The following SAR1B variants were observed in gnomAD, a reference collection of about 807,000 sequenced individuals.
SAR1B encodes secretion associated Ras related GTPase 1B, also known as small COPII coat GTPase SAR1B.
In SAR1B, 23 loss-of-function variants were observed where a neutral mutation model predicts 26.8. The ratio of observed to expected loss-of-function variants is 0.86; its 90% CI spans 0.62 to 1.22. The LOEUF is 1.22. Ranked by LOEUF, SAR1B falls within the 50% of genes most tolerant of loss-of-function variation. The probability of loss-of-function intolerance (pLI) is 0.00; values close to 1 mark genes in which losing one functional copy is unlikely to be tolerated. For missense variants in SAR1B, 196 were observed against 232.8 expected, an observed-to-expected ratio of 0.84 and a Z score of 1.03; for synonymous variants, 65 against 80.8, an observed-to-expected ratio of 0.80 and a Z score of 1.05.
intron 1 of SAR1B, chr5:134,631,842 T>A (rs1015954304): frequency 3.9e-5 from 6 of 152,252 alleles, no homozygotes; most frequent in Admixed American, 3.9e-4. Context: ...GGCGAGCAGA[T>A]CACCTGAGGT....
chr5:134,629,700 AAAACAAACAAAC>A (rs1159853423), intron 1 of SAR1B, among the ~76,000 whole-genome samples: 2 of 151,170 alleles, frequency 1.3e-5, no homozygotes, highest in African/African-American at 2.4e-5. Flanking sequence ...CCATCTCAAA[AAAACAAACAAAC>A]AAACAAACAA....
At chr5:134,608,614 C>T (rs987958365) in intron 5 of SAR1B, 111 bp from the exon 6 acceptor site, 1 of 1,196,214 alleles carries the variant, frequency 8.4e-7, no homozygotes, top group Non-Finnish European at 1.2e-6. Flanking sequence ...TCATGTCATA[C>T]CAACGTTCTT....
At chr5:134,631,382 T>C (rs1292574664) in intron 1 of SAR1B, among the ~76,000 whole-genome samples, 2 of 152,204 alleles carry the variant, frequency 1.3e-5, no homozygotes, top group Non-Finnish European at 2.9e-5. Context: ...AAAGGTATAA[T>C]AGTAGATAAT....
chr5:134,607,035 C>A lies in SAR1B; in HGVS notation c.512G>T (p.Arg171Leu). The A allele has an allele frequency of 6.2e-7, 1 of 1,613,800 alleles. No individual in the cohort carries two copies. The highest frequency in any genetic ancestry group is 1.1e-5 in the South Asian group (1 of 91,046). Residue 171 changes from arginine (R) to leucine (L), a missense_variant, in exon 7 of 7, where the codon CGA (arginine) becomes CTA (leucine). By Grantham distance (102) the Arg-to-Leu change is moderately radical. Transcript: ENST00000402673. ...GSISLKELNA[R>L]PLEVFMCSVL... ...ACTACACATGAAAACTTCTAAGGGT[C>A]GGGCATTCAGTTCTTTCAGAGATAT... is the stretch of plus-strand genomic sequence containing the variant.
intron 1 of SAR1B, among the ~76,000 whole-genome samples, chr5:134,632,475 T>A (rs1765625710): frequency 6.6e-6 from 1 of 152,150 alleles, no homozygotes; most frequent in Non-Finnish European, 1.5e-5. Context: ...TGCAGCCACC[T>A]CGTTCTTTCC....
Position 134,612,743 on chromosome 5 carries a change from C to T in SAR1B, c.192G>A (p.Leu64=), listed in dbSNP as rs1164870676. ...VPTLHPTSEE[L]TIAGMTFTTF... ...TTGTAAACGTCATGCCAGCAATGGT[C>T]AGTTCTTCGGAAGCTAAATAAGATT... is the stretch of plus-strand genomic sequence containing the variant. Residue 64 remains leucine (L), a synonymous_variant, in exon 4 of 7, where the codon CTG becomes CTA. Coordinates refer to ENST00000402673, the MANE Select transcript of SAR1B (RefSeq NM_016103.4). 1.3e-6 allele frequency: 2 copies of T among 1,536,758 alleles called. No individual in the cohort carries two copies. Among genetic ancestry groups the T allele is most frequent in the African/African-American group, 2.9e-5 (2 of 69,286 alleles).
chr5:134,609,049 A>C (rs555783503), intron 5 of SAR1B: 17 of 456,070 alleles, frequency 3.7e-5, no homozygotes, highest in African/African-American at 2.6e-4. Flanking sequence ...ACCTTCAATC[A>C]AATCATGGAC....
rs1405485075 is a variant in SAR1B at position 134,629,112 on chromosome 5, C to T, written c.-19+3616G>A. ...CCTGGGCAACATAGTGAGACCCTGT[C>T]TTTAAAAAAAAAAAAAAAAGAAGGA... On this transcript the variant is annotated intron_variant, in intron 1 of 6. Coordinates refer to ENST00000402673, the MANE Select transcript of SAR1B (RefSeq NM_016103.4). 5.5e-5 allele frequency among the ~76,000 whole-genome samples: 8 copies of T among 145,338 alleles called. No homozygotes were observed. In the East Asian group the frequency reaches 1.7e-3, roughly 31 times the overall value.
intron 3 of SAR1B, among the ~76,000 whole-genome samples, chr5:134,615,347 C>CAA (rs1169325540): frequency 0.019 from 1,686 of 87,674 alleles, 14 homozygotes; most frequent in Middle Eastern, 0.055. Context: ...GACTCCATCT[C>CAA]AAAAAAAAAA....
chr5:134,627,681 C>A (rs1765516863), intron 1 of SAR1B, among the ~76,000 whole-genome samples: 1 of 151,708 alleles, frequency 6.6e-6, no homozygotes, highest in Admixed American at 6.6e-5. Flanking sequence ...CGCCTGTAGT[C>A]CCAGCTGCTC....
At chr5:134,608,178 T>C (rs750323090) in intron 6 of SAR1B, among the ~76,000 whole-genome samples, 194 bp downstream of exon 6, 3 of 152,198 alleles carry the variant, frequency 2.0e-5, no homozygotes, top group Non-Finnish European at 2.9e-5. Context: ...ATCCTTGACA[T>C]TTTTGTTGTC....
At chr5:134,622,550 A>T (rs1369175284) in intron 2 of SAR1B, among the ~76,000 whole-genome samples, 2 of 151,404 alleles carry the variant, frequency 1.3e-5, no homozygotes, top group East Asian at 4.0e-4. Flanking sequence ...AGCTGGGACT[A>T]CAGGCGCGTG....
intron 3 of SAR1B, among the ~76,000 whole-genome samples, chr5:134,620,580 G>A (rs561168419): frequency 6.6e-6 from 1 of 152,106 alleles, no homozygotes; most frequent in African/African-American, 2.4e-5. Flanking sequence ...AAAAAACTTG[G>A]CCAGGTGCAG....
At chr5:134,627,066 T>A (rs540917929) in intron 1 of SAR1B, among the ~76,000 whole-genome samples, 172 of 152,284 alleles carry the variant, frequency 1.1e-3, no homozygotes, top group African/African-American at 4.1e-3. Context: ...TTTACTTTTT[T>A]TTTTGAGACA....
intron 3 of SAR1B, chr5:134,614,974 T>A (rs1177665824): frequency 6.6e-6 from 1 of 152,212 alleles, no homozygotes; most frequent in African/African-American, 2.4e-5. Context: ...AGTACTCACT[T>A]ATGGCCAAAA....
At chr5:134,624,618 GAAGT>G (rs1331212806) in intron 1 of SAR1B, among the ~76,000 whole-genome samples, 1 of 144,592 alleles carries the variant, frequency 6.9e-6, no homozygotes, top group East Asian at 2.0e-4. Flanking sequence ...TGGGATAAGG[GAAGT>G]GAGTTTTTTT....
Position 134,602,988 on chromosome 5 carries a change from T to C in SAR1B, c.*3962A>G, listed in dbSNP as rs1425772295. The C allele has an allele frequency of 6.6e-6, 1 of 152,260 alleles. No individual in the cohort carries two copies. The highest frequency in any genetic ancestry group is 1.9e-4 in the East Asian group (1 of 5,206). 9.4% of individuals were successfully genotyped at this position (152,260 alleles called of 1,614,324 possible). On this transcript the variant is annotated 3_prime_UTR_variant, in exon 7 of 7. Transcript: ENST00000402673. ...TTATATTTATAGCAAAGCCTCTGGCTTTTAATGTAGGCTATATTTTATTCA... is the reference window on the plus strand; with the variant it reads ...TTATATTTATAGCAAAGCCTCTGGCCTTTAATGTAGGCTATATTTTATTCA...
Position 134,612,679 on chromosome 5 carries a change from A to ATT in SAR1B, c.244+11_244+12insAA. ...AAAAAAAAAAAAAAAAAAAAAAAAA[A>ATT]AAGAATCTTACCTTGAACATGTCCA... On this transcript the variant is annotated intron_variant, in intron 4 of 6. Coordinates refer to ENST00000402673, the MANE Select transcript of SAR1B (RefSeq NM_016103.4). 1 of 991,772 alleles carries ATT rather than the reference A, an allele frequency of 1.0e-6. No individual in the cohort carries two copies. Among genetic ancestry groups the ATT allele is most frequent in the Non-Finnish European group, 1.4e-6 (1 of 712,506 alleles). The allele number at this position is 991,772 out of a possible 1,614,324, so 61.4% of individuals were successfully genotyped here.
intron 3 of SAR1B, among the ~76,000 whole-genome samples, chr5:134,615,286 TG>T (rs1219019808): frequency 6.7e-6 from 1 of 149,006 alleles, no homozygotes; most frequent in Non-Finnish European, 1.5e-5. Context: ...CGGCAGAGGT[TG>T]CAATGAGCCG....
Sources: allele counts gnomAD v4.1 joint callset (sites outside exome capture counted in the v4.1 genomes callset), GRCh38; gene constraint gnomAD v4.1.1; transcripts MANE v1.5; gene names NCBI Gene and HGNC (gene_info 2026-07-23, HGNC 2026-07-21).